Variants in KCNK13 observed in about 807,000 individuals in gnomAD.
The protein encoded by KCNK13 is potassium channel subfamily K member 13.
Under a neutral mutation model 23.4 loss-of-function variants are expected in KCNK13, and 12 were observed. The ratio of observed to expected loss-of-function variants is 0.51; its 90% CI spans 0.33 to 0.83. KCNK13 has a LOEUF of 0.83. Among genes scored for constraint, KCNK13 ranks in the 40% least tolerant of loss-of-function variants. The pLI is 0.02. For missense variants in KCNK13, 463 were observed against 556.3 expected (o/e 0.83, Z 1.69); for synonymous variants, 231 against 229.5 (o/e 1.01, Z -0.06).
intron 1 of KCNK13, among the ~76,000 whole-genome samples, chr14:90,093,038 A>C (rs1275459125): frequency 6.6e-6 from 1 of 151,726 alleles, no homozygotes; most frequent in Non-Finnish European, 1.5e-5. Context: ...TGGGGTGGAC[A>C]CTCCAAATAG....
At chr14:90,166,991 G>A (rs531159988) in intron 1 of KCNK13, among the ~76,000 whole-genome samples, 1 of 152,276 alleles carries the variant, frequency 6.6e-6, no homozygotes, top group South Asian at 2.1e-4. Context: ...TATTAACTGG[G>A]TCTGCACTAG....
chr14:90,113,079 A>G (rs773791567), intron 1 of KCNK13, among the ~76,000 whole-genome samples: 3 of 151,970 alleles, frequency 2.0e-5, no homozygotes, highest in Non-Finnish European at 4.4e-5. Flanking sequence ...ATGCCCTGCT[A>G]ATTTTTTATA....
At chr14:90,115,966 T>C (rs954451078) in intron 1 of KCNK13, among the ~76,000 whole-genome samples, 1 of 152,250 alleles carries the variant, frequency 6.6e-6, no homozygotes, top group African/African-American at 2.4e-5. Context: ...GTGTTTAAAC[T>C]GCTCCAGAAG....
chr14:90,063,979 A>G (rs1888977400), intron 1 of KCNK13, among the ~76,000 whole-genome samples: 1 of 152,190 alleles, frequency 6.6e-6, no homozygotes, highest in Non-Finnish European at 1.5e-5. Flanking sequence ...ATAACTGGGT[A>G]TCAGGCAGGA....
intron 1 of KCNK13, among the ~76,000 whole-genome samples, chr14:90,139,676 T>A (rs1889980611): frequency 6.6e-6 from 1 of 152,040 alleles, no homozygotes; most frequent in African/African-American, 2.4e-5. Context: ...AAACATCCGA[T>A]AGGGGCTGGG....
intron 1 of KCNK13, among the ~76,000 whole-genome samples, chr14:90,066,138 AT>A (rs35664886): frequency 0.55 from 74,229 of 135,840 alleles, 19,510 homozygotes; most frequent in African/African-American, 0.66. Flanking sequence ...TAATTTTTGT[AT>A]TTTTTTTTTT....
chr14:90,104,306 C>T (rs142630842), intron 1 of KCNK13, among the ~76,000 whole-genome samples: 6,445 of 152,218 alleles, frequency 0.042, 215 homozygotes, highest in Non-Finnish European at 0.058. Flanking sequence ...TCAGGAACTG[C>T]GTGGTTTCTG....
rs59365604 is a variant in KCNK13 at position 90,091,822 on chromosome 14, C to T, written c.334+29283C>T. Among the ~76,000 whole-genome samples the T allele has an allele frequency of 4.5e-3, 676 of 151,714 alleles. 5 individuals are homozygous for T. The highest frequency in any genetic ancestry group is 0.015 in the African/African-American group (636 of 41,344). ...GAGAAGGAGAAGACCATCAGAAAAG[C>T]AGTGGTAGCTATGTTAAGAATTGCA... On this transcript the variant is annotated intron_variant, in intron 1 of 1. Coordinates refer to ENST00000282146, the MANE Select transcript of KCNK13 (RefSeq NM_022054.4).
intron 1 of KCNK13, among the ~76,000 whole-genome samples, chr14:90,167,263 G>C (rs1012551584): frequency 6.6e-6 from 1 of 152,102 alleles, no homozygotes; most frequent in Non-Finnish European, 1.5e-5. Flanking sequence ...CCCTCGTATC[G>C]CAGTCATGAA....
chr14:90,090,164 G>A (rs768812766), intron 1 of KCNK13, among the ~76,000 whole-genome samples: 9 of 152,210 alleles, frequency 5.9e-5, no homozygotes, highest in Non-Finnish European at 1.3e-4. Flanking sequence ...CATGTGCCTG[G>A]AAAAGCCAGA....
chr14:90,121,385 A>G (rs1002535419), intron 1 of KCNK13, among the ~76,000 whole-genome samples: 2 of 152,126 alleles, frequency 1.3e-5, no homozygotes, highest in Non-Finnish European at 1.5e-5. Flanking sequence ...TGTGTTTTAC[A>G]CCCACATCAG....
chr14:90,168,251 G>A (rs1310801424), intron 1 of KCNK13, among the ~76,000 whole-genome samples: 1 of 152,160 alleles, frequency 6.6e-6, no homozygotes, highest in East Asian at 1.9e-4. Context: ...GTGTGTGCCT[G>A]TAGTCCCAGC....
intron 1 of KCNK13, among the ~76,000 whole-genome samples, chr14:90,129,039 G>A (rs978958744): frequency 6.6e-6 from 1 of 152,104 alleles, no homozygotes; most frequent in African/African-American, 2.4e-5. Context: ...TATCACATAA[G>A]TAGGTAACTC....
At position 90,128,128 on chromosome 14, in the gene KCNK13, A is replaced by G. The variant is rs115319792; in HGVS notation, c.335-55983A>G. On this transcript the variant is annotated intron_variant, in intron 1 of 1. Coordinates refer to ENST00000282146, the MANE Select transcript of KCNK13 (RefSeq NM_022054.4). ...AAAATATGGACCCTCTGGCCTATGG[A>G]GGAAGAACAGGAATTGTGTATCTCG... 2.8e-3 allele frequency among the ~76,000 whole-genome samples: 424 copies of G among 152,308 alleles called. 2 individuals carry two copies. The highest frequency in any genetic ancestry group is 0.01 in the African/African-American group (421 of 41,554).
intron 1 of KCNK13, among the ~76,000 whole-genome samples, chr14:90,139,439 A>G (rs1889977104): frequency 6.7e-6 from 1 of 148,892 alleles, no homozygotes; most frequent in African/African-American, 2.5e-5. Flanking sequence ...GTGTGATGAA[A>G]TGGGGCTGGG....
intron 1 of KCNK13, among the ~76,000 whole-genome samples, chr14:90,112,195 G>A (rs1460350350): frequency 2.6e-5 from 4 of 152,288 alleles, no homozygotes; most frequent in East Asian, 3.9e-4. Context: ...TATCTCTAGC[G>A]ATGCCATTTA....
chr14:90,151,680 G>A (rs1339195515), intron 1 of KCNK13, among the ~76,000 whole-genome samples: 1 of 152,056 alleles, frequency 6.6e-6, no homozygotes, highest in Non-Finnish European at 1.5e-5. Context: ...TGTTTTTGGA[G>A]TCATATCCAA....
At chr14:90,127,957 T>C (rs1889822505) in intron 1 of KCNK13, among the ~76,000 whole-genome samples, 1 of 152,042 alleles carries the variant, frequency 6.6e-6, no homozygotes, top group South Asian at 2.1e-4. Context: ...GGAGCTTTGG[T>C]AGTTGCCCAG....
At chr14:90,160,363 C>T (rs371093770) in intron 1 of KCNK13, among the ~76,000 whole-genome samples, 47 of 152,236 alleles carry the variant, frequency 3.1e-4, no homozygotes, top group African/African-American at 1.1e-3. Context: ...TTTTCATGAA[C>T]AATTACATGT....
Sources: gnomAD v4.1 joint callset for allele counts (sites outside exome capture counted in the v4.1 genomes callset) on GRCh38, gnomAD v4.1.1 for gene constraint, MANE v1.5 for transcripts, NCBI Gene and HGNC (gene_info 2026-07-23, HGNC 2026-07-21) for gene names.